The following STOX2 variants were observed in gnomAD, a reference collection of about 807,000 sequenced individuals.
STOX2 encodes the protein storkhead box 2.
In STOX2, 28 loss-of-function variants were observed where a neutral mutation model predicts 60.9. The observed-to-expected ratio is 0.46, with a 90% CI of 0.34 to 0.63. The LOEUF is 0.63. Ranked by LOEUF, STOX2 falls within the 30% of genes least tolerant of loss-of-function variation. The pLI, the probability that STOX2 is intolerant of heterozygous loss-of-function variation, is 0.01. For synonymous variants in STOX2, 472 were observed against 463.9 expected (o/e 1.02, Z -0.22); for missense variants, 1,024 against 1,187.7 (o/e 0.86, Z 2.03).
intron 1 of STOX2, among the ~76,000 whole-genome samples, chr4:183,920,948 C>G (rs968348568): frequency 6.6e-6 from 1 of 152,248 alleles, no homozygotes; most frequent in Non-Finnish European, 1.5e-5. Flanking sequence ...GAAAAGAAGT[C>G]TCAAACATAA....
chr4:184,001,529 T>A lies in STOX2; in HGVS notation c.319+52T>A. 6.3e-7 allele frequency: 1 copy of A among 1,585,744 alleles called. No individual in the cohort carries two copies. Among genetic ancestry groups the A allele is most frequent in the East Asian group, 2.2e-5 (1 of 44,492 alleles). ...CCAGGTGGCGGTGTGCTGTGGTCGCTCTAGGACTCACGTGGACTGTTCTGC... is the reference window on the plus strand; with the variant it reads ...CCAGGTGGCGGTGTGCTGTGGTCGCACTAGGACTCACGTGGACTGTTCTGC... On this transcript the variant is annotated intron_variant, in intron 2 of 3. Transcript: ENST00000308497. This position sits in a 1 kb window ranked among gnomAD's most constrained non-coding sequence, Gnocchi z 4.2.
At chr4:183,808,952 C>T (rs1208535903) in intron 1 of STOX2, among the ~76,000 whole-genome samples, 1 of 152,060 alleles carries the variant, frequency 6.6e-6, no homozygotes, top group Non-Finnish European at 1.5e-5. Context: ...CACTGGGGGT[C>T]TTGATTGCTT....
chr4:183,933,662 T>C (rs543281290), intron 1 of STOX2, among the ~76,000 whole-genome samples: 60 of 152,210 alleles, frequency 3.9e-4, no homozygotes, highest in Non-Finnish European at 7.8e-4. Context: ...GTGCTAGGAT[T>C]ACAGGTGTGA....
chr4:184,004,473 G>A (rs1262614715), intron 2 of STOX2, among the ~76,000 whole-genome samples: 7 of 152,246 alleles, frequency 4.6e-5, no homozygotes, highest in Non-Finnish European at 5.9e-5. Flanking sequence ...GGTGGCGGGC[G>A]CCTGTAGTCC....
intron 1 of STOX2, among the ~76,000 whole-genome samples, chr4:183,995,291 C>CTTTTTTTTTTT (rs61681165): frequency 1.3e-4 from 10 of 79,452 alleles, no homozygotes; most frequent in African/African-American, 3.1e-4. Flanking sequence ...TTATTTTAGT[C>CTTTTTTTTTTT]TTTTTTTTTT....
chr4:183,862,225 G>T (rs1227115394), intron 1 of STOX2, among the ~76,000 whole-genome samples: 1 of 152,152 alleles, frequency 6.6e-6, no homozygotes, highest in African/African-American at 2.4e-5. Context: ...ACCCAGGCTG[G>T]AGTGCAGTGG....
At chr4:183,921,496 C>T (rs761101569) in intron 1 of STOX2, among the ~76,000 whole-genome samples, 1 of 152,080 alleles carries the variant, frequency 6.6e-6, no homozygotes, top group African/African-American at 2.4e-5. Context: ...TGAGAAAATC[C>T]GTTACAATTT....
chr4:184,011,584 C>T lies in STOX2; in HGVS notation c.2585+161C>T, dbSNP rs1223772966. 6.5e-7 allele frequency: 1 copy of T among 1,535,304 alleles called. No individual in the cohort carries two copies. ...AACAATCTGTTTCTGACTTCTTTTT[C>T]AGGAATTGAAAAAAATGTTTCTGCA... On this transcript the variant is annotated intron_variant, in intron 3 of 3. Transcript: ENST00000308497. This position sits in a 1 kb window ranked among gnomAD's most constrained non-coding sequence, Gnocchi z 4.4.
chr4:183,840,818 C>G (rs1471857201), intron 1 of STOX2, among the ~76,000 whole-genome samples: 1 of 152,164 alleles, frequency 6.6e-6, no homozygotes, highest in African/African-American at 2.4e-5. Flanking sequence ...TTAGTGTGTT[C>G]TTAGAGACAC....
chr4:183,969,596 C>T (rs1343919298), intron 1 of STOX2, among the ~76,000 whole-genome samples: 1 of 151,844 alleles, frequency 6.6e-6, no homozygotes, highest in African/African-American at 2.4e-5. Flanking sequence ...AATCTATGAA[C>T]TTTGAACTTA....
At chr4:184,014,118 A>T (rs1035740377) in intron 3 of STOX2, 13 of 1,612 alleles carry the variant, frequency 8.1e-3, no homozygotes, top group African/African-American at 0.021. Flanking sequence ...ACCAAAAAAA[A>T]AAAAAAAAAA....
At chr4:183,807,462 G>A (rs558655005) in intron 1 of STOX2, among the ~76,000 whole-genome samples, 2 of 139,570 alleles carry the variant, frequency 1.4e-5, no homozygotes, top group South Asian at 2.4e-4. Flanking sequence ...TCAGCCTAAG[G>A]CGCCAGTGAG....
chr4:183,922,111 G>A (rs11735741), intron 1 of STOX2, among the ~76,000 whole-genome samples: 23,576 of 152,008 alleles, frequency 0.16, 2,201 homozygotes, highest in African/African-American at 0.26. Flanking sequence ...TACCTCTTTA[G>A]AGCAAAGGGT....
intron 1 of STOX2, among the ~76,000 whole-genome samples, chr4:183,936,614 C>A (rs963188935): frequency 6.6e-6 from 1 of 151,956 alleles, no homozygotes; most frequent in African/African-American, 2.4e-5. Flanking sequence ...AAATGAAAAA[C>A]CTAGATTTTA....
upstream of STOX2, among the ~76,000 whole-genome samples, chr4:183,902,115 A>G (rs1337174238): frequency 2.0e-5 from 3 of 152,344 alleles, no homozygotes; most frequent in South Asian, 2.1e-4. Context: ...ATTGCTAGCC[A>G]TTGGGGATAT....
chr4:183,906,522 A>G lies in STOX2; in HGVS notation c.-269A>G. 1 of 106,130 alleles carries G rather than the reference A, an allele frequency of 9.4e-6. No homozygotes were observed. Among genetic ancestry groups the G allele is most frequent in the Non-Finnish European group, 1.8e-5 (1 of 54,576 alleles). The allele number at this position is 106,130 out of a possible 1,614,324, so 6.6% of individuals were successfully genotyped here. A position where few individuals can be genotyped will look rare whatever the true frequency, so the allele number is the denominator to read the frequency against. ...AGCCTCCTAACGTGCCTTTCCCCCCAGGAATCTGGAAGCTATAAGCCGGGC... is the reference window on the plus strand; with the variant it reads ...AGCCTCCTAACGTGCCTTTCCCCCCGGGAATCTGGAAGCTATAAGCCGGGC... On this transcript the variant is annotated 5_prime_UTR_variant, in exon 1 of 4. Coordinates refer to ENST00000308497, the MANE Select transcript of STOX2 (RefSeq NM_020225.3).
At chr4:183,818,771 G>C (rs377203487) in intron 1 of STOX2, among the ~76,000 whole-genome samples, 6 of 149,886 alleles carry the variant, frequency 4.0e-5, no homozygotes, top group Non-Finnish European at 8.9e-5. Flanking sequence ...GGGCGGAGAC[G>C]CTCCCCACCT....
chr4:183,813,894 T>C (rs58484608), intron 1 of STOX2, among the ~76,000 whole-genome samples: 3,314 of 152,294 alleles, frequency 0.022, 104 homozygotes, highest in African/African-American at 0.075. Flanking sequence ...AAAACTCTTC[T>C]TTGGAAAGTA....
chr4:183,960,828 A>T (rs529458814), intron 1 of STOX2, among the ~76,000 whole-genome samples: 8 of 152,204 alleles, frequency 5.3e-5, no homozygotes, highest in Non-Finnish European at 8.8e-5. Flanking sequence ...TTAATTGACC[A>T]TAATATCTGA....
Sources: gnomAD v4.1 joint callset for allele counts (sites outside exome capture counted in the v4.1 genomes callset) on GRCh38, gnomAD v4.1.1 for gene constraint, Gnocchi (gnomAD v3.1) non-coding constraint, MANE v1.5 for transcripts, NCBI Gene and HGNC (gene_info 2026-07-23, HGNC 2026-07-21) for gene names.